Variants in ADAMTS18 observed in about 807,000 individuals in gnomAD.
ADAMTS18 encodes A disintegrin and metalloproteinase with thrombospondin motifs 18.
ADAMTS18 carries 157 observed loss-of-function variants against 165.9 expected under a neutral mutation model. The observed-to-expected ratio is 0.95, with a 90% confidence interval of 0.83 to 1.08. The LOEUF is 1.08. ADAMTS18 is among the 50% of genes least tolerant of loss of function. The pLI, the probability that ADAMTS18 is intolerant of heterozygous loss-of-function variation, is 0.00. For synonymous variants in ADAMTS18, 782 were observed against 578.2 expected, an observed-to-expected ratio of 1.35 and a Z score of -5.06; for missense variants, 2,040 against 1,534.0, an observed-to-expected ratio of 1.33 and a Z score of -5.51.
intron 6 of ADAMTS18, among the ~76,000 whole-genome samples, chr16:77,363,064 C>G (rs2650908): frequency 6.6e-6 from 1 of 151,906 alleles, no homozygotes; most frequent in African/African-American, 2.4e-5. Context: ...ATGTTTTTTA[C>G]TGGCGTTACA....
At chr16:77,351,926 G>A (rs1015757357) in intron 10 of ADAMTS18, among the ~76,000 whole-genome samples, 10 of 152,028 alleles carry the variant, frequency 6.6e-5, no homozygotes, top group Non-Finnish European at 1.2e-4. Flanking sequence ...TAAAGAGAGG[G>A]TCTAACTTTG....
chr16:77,371,717 A>AT (rs1457743762), intron 3 of ADAMTS18, among the ~76,000 whole-genome samples: 2 of 152,198 alleles, frequency 1.3e-5, no homozygotes, highest in Admixed American at 6.6e-5. Flanking sequence ...CTGGGCAAGG[A>AT]TTTTTTGGAG....
intron 8 of ADAMTS18, among the ~76,000 whole-genome samples, chr16:77,357,951 T>C (rs545687279): frequency 1.3e-5 from 2 of 152,308 alleles, no homozygotes; most frequent in South Asian, 4.1e-4. Flanking sequence ...TTTTAACACA[T>C]ATGCAAAGAT....
intron 3 of ADAMTS18, among the ~76,000 whole-genome samples, chr16:77,405,601 T>G (rs2057384095): frequency 6.6e-6 from 1 of 152,228 alleles, no homozygotes. Context: ...CCTCTTGTAT[T>G]GTCTGCCAGG....
chr16:77,307,167 G>C (rs1398905403), intron 16 of ADAMTS18, among the ~76,000 whole-genome samples: 1 of 152,150 alleles, frequency 6.6e-6, no homozygotes, highest in Non-Finnish European at 1.5e-5. Flanking sequence ...AAATATAATA[G>C]ACTTTATTGG....
At chr16:77,290,268 C>T (rs887769363) in intron 21 of ADAMTS18, among the ~76,000 whole-genome samples, 1 of 152,202 alleles carries the variant, frequency 6.6e-6, no homozygotes, top group Admixed American at 6.5e-5. Flanking sequence ...GTACTCCTCA[C>T]TGCCGTTGTA....
At chr16:77,347,080 G>A (rs756240068) in intron 10 of ADAMTS18, among the ~76,000 whole-genome samples, 15 of 152,116 alleles carry the variant, frequency 9.9e-5, no homozygotes, top group Non-Finnish European at 7.4e-5. Flanking sequence ...CTTTTGTTCG[G>A]CATGTTTTTC....
intron 3 of ADAMTS18, among the ~76,000 whole-genome samples, chr16:77,409,556 G>A (rs11647255): frequency 0.53 from 80,084 of 151,964 alleles, 22,141 homozygotes; most frequent in Non-Finnish European, 0.63. Context: ...TTACAATGGA[G>A]AACTGAATCC....
chr16:77,413,046 T>C (rs117722971), intron 3 of ADAMTS18, among the ~76,000 whole-genome samples: 3,239 of 152,112 alleles, frequency 0.021, 65 homozygotes, highest in Middle Eastern at 0.031. Flanking sequence ...CATTTATATG[T>C]ATAAAAAAAA....
chr16:77,335,106 A>G (rs1028694688), intron 12 of ADAMTS18, among the ~76,000 whole-genome samples: 3 of 148,990 alleles, frequency 2.0e-5, no homozygotes, highest in Admixed American at 1.4e-4. Flanking sequence ...TTATGATAGT[A>G]TTAATCCTAC....
intron 3 of ADAMTS18, among the ~76,000 whole-genome samples, chr16:77,383,881 T>G (rs1166108777): frequency 6.6e-6 from 1 of 152,142 alleles, no homozygotes; most frequent in African/African-American, 2.4e-5. Context: ...TTTGTTTCAA[T>G]AGGATGCTTC....
intron 4 of ADAMTS18, 88 bp downstream of exon 4, chr16:77,367,353 A>T: frequency 1.3e-6 from 2 of 1,512,392 alleles, no homozygotes; most frequent in South Asian, 1.1e-5. Flanking sequence ...CCCCATTTTG[A>T]CTTGCAAAGC....
At chr16:77,296,188 A>G (rs1415504453) in intron 18 of ADAMTS18, among the ~76,000 whole-genome samples, 4 of 152,202 alleles carry the variant, frequency 2.6e-5, no homozygotes, top group African/African-American at 7.2e-5. Flanking sequence ...TATTTGGCAG[A>G]AGATAAATCA....
At position 77,364,180 on chromosome 16, in the gene ADAMTS18, C is replaced by A; in HGVS notation, c.972+8G>T. On this transcript the variant is annotated splice_region_variant and intron_variant, in intron 5 of 22. Transcript: ENST00000282849. ...GAGAGCCAGAAGGTTTGTGACACCCCCGCTTACCATGTTCATTACTGTGAG... is the reference window on the plus strand; with the variant it reads ...GAGAGCCAGAAGGTTTGTGACACCCACGCTTACCATGTTCATTACTGTGAG... The A allele has an allele frequency of 6.2e-7, 1 of 1,614,056 alleles. No individual in the cohort carries two copies. Among genetic ancestry groups the A allele is most frequent in the Non-Finnish European group, 8.5e-7 (1 of 1,179,996 alleles).
At chr16:77,296,772 A>G (rs1327240457) in intron 18 of ADAMTS18, among the ~76,000 whole-genome samples, 4 of 152,152 alleles carry the variant, frequency 2.6e-5, no homozygotes, top group Non-Finnish European at 5.9e-5. Flanking sequence ...GTGAGCTATC[A>G]TGAGGCCACT....
intron 3 of ADAMTS18, among the ~76,000 whole-genome samples, chr16:77,397,898 T>C (rs972165493): frequency 2.0e-5 from 3 of 152,220 alleles, no homozygotes; most frequent in Non-Finnish European, 2.9e-5. Context: ...CAGGGTCCTC[T>C]GTGTTGTCCT....
intron 3 of ADAMTS18, among the ~76,000 whole-genome samples, chr16:77,406,152 A>T (rs2057390908): frequency 6.6e-6 from 1 of 152,192 alleles, no homozygotes; most frequent in South Asian, 2.1e-4. Flanking sequence ...GCAATGACTA[A>T]AAGTGACACT....
At chr16:77,349,292 A>C (rs2144704008) in intron 10 of ADAMTS18, among the ~76,000 whole-genome samples, 1 of 152,040 alleles carries the variant, frequency 6.6e-6, no homozygotes, top group South Asian at 2.1e-4. Flanking sequence ...CAAGATGAAA[A>C]ACTACACACC....
intron 3 of ADAMTS18, among the ~76,000 whole-genome samples, chr16:77,422,151 A>G (rs2057610919): frequency 6.6e-6 from 1 of 152,104 alleles, no homozygotes; most frequent in South Asian, 2.1e-4. Context: ...TTCACAGACC[A>G]ATCCATAAAT....
Sources: allele counts gnomAD v4.1 joint callset (sites outside exome capture counted in the v4.1 genomes callset), GRCh38; gene constraint gnomAD v4.1.1; transcripts MANE v1.5; gene names NCBI Gene and HGNC (gene_info 2026-07-23, HGNC 2026-07-21).